KIAA1671: variants seen among roughly 807,000 people sequenced by gnomAD.
The protein encoded by KIAA1671 is KIAA1671, also known as uncharacterized protein KIAA1671.
In KIAA1671, 52 loss-of-function variants were observed where a neutral mutation model predicts 131.2. That is an observed-to-expected ratio of 0.40 (90% CI 0.32 to 0.50). The LOEUF (loss-of-function observed/expected upper bound fraction) is 0.50. KIAA1671 is among the 20% of genes least tolerant of loss of function. KIAA1671 has a pLI of 0.73. For missense variants in KIAA1671, 2,360 were observed against 2,364.2 expected (o/e 1.00, Z 0.04); for synonymous variants, 1,003 against 961.6 (o/e 1.04, Z -0.80).
chr22:25,010,591 A>G (rs1924983115), intron 1 of KIAA1671: 1 of 152,168 alleles, frequency 6.6e-6, no homozygotes, highest in African/African-American at 2.4e-5. Flanking sequence ...AGTAAGTATC[A>G]TTGACCTTAC....
intron 1 of KIAA1671, among the ~76,000 whole-genome samples, chr22:24,979,383 T>C (rs1923107150): frequency 6.7e-6 from 1 of 149,372 alleles, no homozygotes; most frequent in African/African-American, 2.5e-5. Context: ...GGAGTCTCGC[T>C]GTTTTGCCCA....
At chr22:25,190,549 C>T (rs1216665261) in intron 11 of KIAA1671, among the ~76,000 whole-genome samples, 153 bp from the exon 12 acceptor site, 1 of 152,214 alleles carries the variant, frequency 6.6e-6, no homozygotes, top group Non-Finnish European at 1.5e-5. Flanking sequence ...TCTTGCTTAT[C>T]AGTCCCGTTA....
chr22:25,021,496 TC>T (rs1925664829), intron 1 of KIAA1671, among the ~76,000 whole-genome samples: 2 of 150,238 alleles, frequency 1.3e-5, no homozygotes, highest in Non-Finnish European at 3.0e-5. Flanking sequence ...CTTTTTTTCA[TC>T]TTTGTGAATG....
intron 6 of KIAA1671, among the ~76,000 whole-genome samples, chr22:25,120,819 A>G (rs1931899483): frequency 6.6e-6 from 1 of 152,198 alleles, no homozygotes; most frequent in African/African-American, 2.4e-5. Context: ...TGCCCTTGCA[A>G]CATTTGTGTG....
At chr22:24,966,490 G>A (rs1421755776) in intron 1 of KIAA1671, among the ~76,000 whole-genome samples, 1 of 152,202 alleles carries the variant, frequency 6.6e-6, no homozygotes, top group Non-Finnish European at 1.5e-5. Flanking sequence ...AACTCCCAGT[G>A]CCCTTTGGCC....
At chr22:25,159,958 A>G (rs1004987110) in intron 6 of KIAA1671, among the ~76,000 whole-genome samples, 4 of 152,204 alleles carry the variant, frequency 2.6e-5, no homozygotes, top group African/African-American at 9.7e-5. Flanking sequence ...CCATTATTTC[A>G]TCATTAATTA....
At chr22:25,127,304 T>C (rs1347661081) in intron 6 of KIAA1671, among the ~76,000 whole-genome samples, 2 of 152,228 alleles carry the variant, frequency 1.3e-5, no homozygotes, top group Non-Finnish European at 2.9e-5. Context: ...TCCCAGCTTT[T>C]GCACAAGCTG....
chr22:25,179,378 CCGCTCGCGCAGT>C, intron 9 of KIAA1671: 1 of 1,606,538 alleles, frequency 6.2e-7, no homozygotes, highest in East Asian at 2.3e-5. Flanking sequence ...CCTCGCGCAG[CCGCTCGCGCAGT>C]GCGGCCAGGT....
chr22:25,108,896 T>C (rs1458785716), intron 6 of KIAA1671, among the ~76,000 whole-genome samples: 2 of 152,232 alleles, frequency 1.3e-5, no homozygotes, highest in East Asian at 3.9e-4. Context: ...TGACTAGAGA[T>C]GGAGCATCTG....
Position 25,029,134 on chromosome 22 carries a change from C to T in KIAA1671, c.1135C>T (p.Pro379Ser). Residue 379 changes from proline (P) to serine (S), a missense_variant, in exon 3 of 13, where the codon CCC (proline) becomes TCC (serine). Transcript: ENST00000358431. ...ALVGGSSGVTPSNDQSPWEEK... is the reference protein window; with the variant it reads ...ALVGGSSGVTSSNDQSPWEEK... ...GGTGGGGGGCTCATCTGGGGTCACC[C>T]CCAGCAATGACCAGAGTCCCTGGGA... 1.4e-6 allele frequency: 2 copies of T among 1,458,810 alleles called. No homozygotes were observed. Among genetic ancestry groups the T allele is most frequent in the Non-Finnish European group, 1.8e-6 (2 of 1,103,260 alleles). The allele number at this position is 1,458,810 out of a possible 1,614,324, so 90.4% of individuals were successfully genotyped here. A position where few individuals can be genotyped will look rare whatever the true frequency, so the allele number is the denominator to read the frequency against.
intron 6 of KIAA1671, among the ~76,000 whole-genome samples, chr22:25,153,624 G>C (rs909993396): frequency 3.9e-5 from 6 of 152,252 alleles, no homozygotes; most frequent in Non-Finnish European, 8.8e-5. Context: ...GTTGGTGAGA[G>C]GCCCCTTTGG....
At chr22:25,004,749 ATC>A (rs1292149933) in intron 1 of KIAA1671, among the ~76,000 whole-genome samples, 1 of 151,932 alleles carries the variant, frequency 6.6e-6, no homozygotes, top group Non-Finnish European at 1.5e-5. Flanking sequence ...GTTCGAGACC[ATC>A]CTGGCTAACA....
chr22:25,072,419 G>T (rs931062121), intron 6 of KIAA1671, among the ~76,000 whole-genome samples: 1 of 152,124 alleles, frequency 6.6e-6, no homozygotes. Flanking sequence ...TCATTTGTCC[G>T]CTGCTTTCTG....
Position 25,028,601 on chromosome 22 carries a change from A to C in KIAA1671, c.602A>C (p.Gln201Pro). 6.5e-7 allele frequency: 1 copy of C among 1,546,058 alleles called. No homozygotes were observed. The highest frequency in any genetic ancestry group is 1.4e-5 in the African/African-American group (1 of 70,852). ...CTTCCCCGGTCAGCTCCCCTGTCTC[A>C]GGACACAAAACCACCTGTACCCCAA... ...GTLPRSAPLS[Q>P]DTKPPVPQEE... Residue 201 changes from glutamine (Q) to proline (P), a missense_variant, in exon 3 of 13, where the codon CAG becomes CCG. Transcript: ENST00000358431.
intron 1 of KIAA1671, among the ~76,000 whole-genome samples, chr22:24,959,565 TAC>T (rs71739745): frequency 6.6e-6 from 1 of 150,894 alleles, no homozygotes; most frequent in African/African-American, 2.4e-5. Flanking sequence ...TCGAGGCACA[TAC>T]ACACACACAC....
chr22:24,971,390 C>T (rs1454758872), intron 1 of KIAA1671, among the ~76,000 whole-genome samples: 1 of 152,194 alleles, frequency 6.6e-6, no homozygotes, highest in East Asian at 1.9e-4. Context: ...AGCTCCCTTG[C>T]CAACCGAATA....
At position 25,038,888 on chromosome 22, in the gene KIAA1671, C is replaced by T. The variant is rs1407488867; in HGVS notation, c.1758C>T (p.Arg586=). The change falls in exon 5 of 13, where the codon CGC becomes CGT. Residue 586 remains arginine, a synonymous_variant. Transcript: ENST00000358431. ...CTAACCAAGACCCCGACAGCTGTCG[C>T]GGTGGAAGCTCAGTGGAGGCCCCGT... ...VSSNQDPDSC[R]GGSSVEAPCP... is the part of the protein sequence containing the mutation. The T allele has an allele frequency of 2.5e-5, 39 of 1,551,666 alleles. No homozygotes were observed. Among genetic ancestry groups the T allele is most frequent in the Admixed American group, 7.8e-5 (4 of 50,986 alleles).
intron 10 of KIAA1671, among the ~76,000 whole-genome samples, chr22:25,182,927 C>T (rs538663303): frequency 2.6e-5 from 4 of 152,330 alleles, no homozygotes; most frequent in South Asian, 4.1e-4. Flanking sequence ...TCCCAAATTG[C>T]ACCAGAATGC....
rs1926127171 is a variant in KIAA1671, at chr22:25,029,135, C to T, written c.1136C>T (p.Pro379Leu). The change falls in exon 3 of 13, where the codon CCC becomes CTC. Residue 379 changes from proline to leucine, a missense_variant. Transcript: ENST00000358431. ...ALVGGSSGVTPSNDQSPWEEK... is the reference protein window; with the variant it reads ...ALVGGSSGVTLSNDQSPWEEK... ...GTGGGGGGCTCATCTGGGGTCACCC[C>T]CAGCAATGACCAGAGTCCCTGGGAA... is the stretch of plus-strand genomic sequence containing the variant. The T allele has an allele frequency of 6.9e-7, 1 of 1,457,240 alleles. No individual in the cohort carries two copies. The highest frequency in any genetic ancestry group is 9.1e-7 in the Non-Finnish European group (1 of 1,102,378). 90.3% of individuals were successfully genotyped at this position (1,457,240 alleles called of 1,614,324 possible).
Sources: gnomAD v4.1 joint callset for allele counts (sites outside exome capture counted in the v4.1 genomes callset) on GRCh38, gnomAD v4.1.1 for gene constraint, MANE v1.5 for transcripts, NCBI Gene and HGNC (gene_info 2026-07-23, HGNC 2026-07-21) for gene names.